The following LRP6 variants were observed in gnomAD, a reference collection of about 807,000 sequenced individuals.
LRP6 encodes LDL receptor related protein 6.
A neutral mutation model predicts 184.1 loss-of-function variants in LRP6; 43 were observed. The ratio of observed to expected loss-of-function variants is 0.23; its 90% CI spans 0.18 to 0.30. The LOEUF (loss-of-function observed/expected upper bound fraction) is 0.30. LRP6 is among the 10% of genes least tolerant of loss of function. LRP6 has a pLI of 1.00. For synonymous variants in LRP6, 719 were observed against 684.9 expected (o/e 1.05, Z -0.78); for missense variants, 1,571 against 2,005.3 (o/e 0.78, Z 4.14).
Position 12,126,789 on chromosome 12 carries a change from T to A in LRP6, c.4214A>T (p.Asp1405Val), listed in dbSNP as rs753356777. ...QRMLCPRMKG[D>V]GETMTNDYVV... ...ATAGTCATTAGTCATAGTTTCCCCA[T>A]CTCCCTTCATACGTGGACACAACAT... The change falls in exon 20 of 23, where the codon GAT becomes GTT. Residue 1405 changes from aspartate (D) to valine (V), a missense_variant. By Grantham distance (152) the Asp-to-Val change is radical. Coordinates refer to ENST00000261349, the MANE Select transcript of LRP6 (RefSeq NM_002336.3). 164 of 1,613,962 alleles carry A rather than the reference T, an allele frequency of 1.0e-4. No individual in the cohort carries two copies. Among genetic ancestry groups the A allele is most frequent in the Non-Finnish European group, 1.2e-4 (140 of 1,179,992 alleles).
intron 2 of LRP6, among the ~76,000 whole-genome samples, chr12:12,205,153 ACC>A (rs1864019301): frequency 6.6e-6 from 1 of 150,850 alleles, no homozygotes; most frequent in South Asian, 2.1e-4. Context: ...ACATGGTGAA[ACC>A]CCATCTCTAC....
chr12:12,161,036 A>G (rs1862729813), intron 10 of LRP6, among the ~76,000 whole-genome samples: 1 of 152,232 alleles, frequency 6.6e-6, no homozygotes, highest in Non-Finnish European at 1.5e-5. Flanking sequence ...TGTGCACACC[A>G]CAAGAGCCAA....
At position 12,138,477 on chromosome 12, in the gene LRP6, A is replaced by G; in HGVS notation, c.3455T>C (p.Val1152Ala). 9 of 1,614,194 alleles carry G rather than the reference A, an allele frequency of 5.6e-6. No individual in the cohort carries two copies. The highest frequency in any genetic ancestry group is 7.6e-6 in the Non-Finnish European group (9 of 1,180,028). The change falls in exon 16 of 23, where the codon GTG becomes GCG. Residue 1152 changes from valine to alanine, a missense_variant. Transcript: ENST00000261349. ...AATCCAATAGAGCCAGTTTTCAAAC[A>G]CAGTAAGTCCCACAGGCTGCAAGAT... is the stretch of plus-strand genomic sequence containing the variant. ...SNILQPVGLT[V>A]FENWLYWIDK... is the part of the protein sequence containing the mutation.
At chr12:12,156,264 C>G (rs138193449) in intron 12 of LRP6, among the ~76,000 whole-genome samples, 1 of 152,198 alleles carries the variant, frequency 6.6e-6, no homozygotes, top group African/African-American at 2.4e-5. Flanking sequence ...GGTATCCACG[C>G]AAATATATGC....
chr12:12,129,782 C>A (rs1483653143), intron 19 of LRP6, among the ~76,000 whole-genome samples: 1 of 152,090 alleles, frequency 6.6e-6, no homozygotes, highest in East Asian at 1.9e-4. Flanking sequence ...GAACTCCTGA[C>A]CTCGTGATCT....
At chr12:12,253,912 G>A (rs542939118) in intron 1 of LRP6, among the ~76,000 whole-genome samples, 1 of 151,998 alleles carries the variant, frequency 6.6e-6, no homozygotes, top group Non-Finnish European at 1.5e-5. Context: ...GGGAAGCTGA[G>A]GTGGGCATAT....
At chr12:12,181,711 A>G (rs1863349952) in intron 5 of LRP6, among the ~76,000 whole-genome samples, 1 of 152,218 alleles carries the variant, frequency 6.6e-6, no homozygotes, top group Admixed American at 6.5e-5. Context: ...TTAAAAGTAC[A>G]ATGAATAATG....
chr12:12,226,325 T>A (rs1242979344), intron 2 of LRP6, among the ~76,000 whole-genome samples: 1 of 152,138 alleles, frequency 6.6e-6, no homozygotes, highest in African/African-American at 2.4e-5. Context: ...AAAAAAGCAG[T>A]TTGAAGAGAC....
intron 7 of LRP6, among the ~76,000 whole-genome samples, chr12:12,175,462 C>G (rs983662435): frequency 3.3e-5 from 5 of 151,236 alleles, no homozygotes; most frequent in Non-Finnish European, 7.4e-5. Flanking sequence ...AGCTGAGGCA[C>G]GCAGCTCCAG....
intron 2 of LRP6, among the ~76,000 whole-genome samples, chr12:12,239,311 T>C (rs1865001907): frequency 6.6e-6 from 1 of 152,184 alleles, no homozygotes; most frequent in Admixed American, 6.5e-5. Context: ...TGGAAACGGA[T>C]ATGATCTCAG....
chr12:12,199,142 AAGG>A (rs1863847864), intron 3 of LRP6, among the ~76,000 whole-genome samples: 1 of 152,142 alleles, frequency 6.6e-6, no homozygotes, highest in South Asian at 2.1e-4. Context: ...AAAAAAAAAA[AAGG>A]AGCACAAATG....
chr12:12,173,820 T>C (rs999463287), intron 7 of LRP6, among the ~76,000 whole-genome samples: 1 of 152,082 alleles, frequency 6.6e-6, no homozygotes, highest in African/African-American at 2.4e-5. Flanking sequence ...AATTCACAAA[T>C]TTCATTGTTA....
Position 12,164,394 on chromosome 12 carries a change from C to T in LRP6, c.1931G>A (p.Arg644Gln). 1.9e-6 allele frequency: 3 copies of T among 1,614,066 alleles called. No homozygotes were observed. The highest frequency in any genetic ancestry group is 2.5e-6 in the Non-Finnish European group (3 of 1,180,014). ...LLFSRRADIR[R>Q]ISLETNNNNV... is the part of the protein sequence containing the mutation. ...ATTATTGTTTGTTTCCAGAGAAATT[C>T]GTCTGATATCTGCTCTCCGTGAAAA... is the stretch of plus-strand genomic sequence containing the variant. Residue 644 changes from arginine to glutamine, a missense_variant, in exon 9 of 23, where the codon CGA becomes CAA. Physicochemically the swap from Arg to Gln is conservative, Grantham distance 43. Coordinates refer to ENST00000261349, the MANE Select transcript of LRP6 (RefSeq NM_002336.3).
rs117961230 is a variant in LRP6, at chr12:12,201,143, A to T, written c.647+2060T>A. On this transcript the variant is annotated intron_variant, in intron 3 of 22. Coordinates refer to ENST00000261349, the MANE Select transcript of LRP6 (RefSeq NM_002336.3). The stretch of plus-strand genomic sequence containing the variant: ...AGTAGCTTGCTTTCTGAGATCTACT[A>T]GCCGTTGATCTTCCCATCTTTATCT... 5.4e-3 allele frequency among the ~76,000 whole-genome samples: 822 copies of T among 152,284 alleles called. 2 individuals carry two copies. The highest frequency in any genetic ancestry group is 0.011 in the Admixed American group (166 of 15,288).
chr12:12,151,318 AT>A (rs1950077302), intron 12 of LRP6, among the ~76,000 whole-genome samples: 1 of 152,032 alleles, frequency 6.6e-6, no homozygotes, highest in Non-Finnish European at 1.5e-5. Flanking sequence ...AGAAAACTTC[AT>A]TTCCATCAGG....
intron 2 of LRP6, among the ~76,000 whole-genome samples, chr12:12,234,724 A>G (rs1247708555): frequency 6.6e-6 from 1 of 151,360 alleles, no homozygotes; most frequent in Non-Finnish European, 1.5e-5. Flanking sequence ...CCAGCTACTC[A>G]GGAGGCTGAG....
chr12:12,215,001 T>C (rs1238898012), intron 2 of LRP6, among the ~76,000 whole-genome samples: 2 of 152,214 alleles, frequency 1.3e-5, no homozygotes, highest in African/African-American at 2.4e-5. Context: ...TTCCCTGCTA[T>C]ATGAACCCTT....
Position 12,138,500 on chromosome 12 carries a change from G to C in LRP6, c.3432C>G (p.Ile1144Met), listed in dbSNP as rs148108074. ...ACACAGTAAGTCCCACAGGCTGCAA[G>C]ATATTGGAGTCTTCTAATACTATCC... ...ANRIVLEDSN[I>M]LQPVGLTVFE... Residue 1144 changes from isoleucine to methionine, a missense_variant, in exon 16 of 23, where the codon ATC becomes ATG. Physicochemically the swap from Ile to Met is conservative, Grantham distance 10. This residue lies in a region of LRP6 where 763 missense variants were observed against 859.5 expected (regional missense o/e 0.89). Coordinates refer to ENST00000261349, the MANE Select transcript of LRP6 (RefSeq NM_002336.3). The C allele has an allele frequency of 2.5e-6, 4 of 1,613,948 alleles. No homozygotes were observed. The highest frequency in any genetic ancestry group is 3.4e-6 in the Non-Finnish European group (4 of 1,179,972).
At chr12:12,262,775 A>G (rs1002608206) in intron 1 of LRP6, among the ~76,000 whole-genome samples, 1 of 152,212 alleles carries the variant, frequency 6.6e-6, no homozygotes, top group Non-Finnish European at 1.5e-5. Flanking sequence ...ACTCACCATC[A>G]GTACCAGAGG....
Sources: allele counts gnomAD v4.1 joint callset (sites outside exome capture counted in the v4.1 genomes callset), GRCh38; gene constraint gnomAD v4.1.1; regional missense constraint gnomAD v4.1.1; transcripts MANE v1.5; gene names NCBI Gene and HGNC (gene_info 2026-07-23, HGNC 2026-07-21).